DLGAP2: variants seen among roughly 807,000 people sequenced by gnomAD.
DLGAP2 encodes the protein DLG associated protein 2, also known as disks large-associated protein 2.
In DLGAP2, 26 loss-of-function variants were observed where a neutral mutation model predicts 100.3. That is an observed-to-expected ratio of 0.26 (90% CI 0.19 to 0.36). The LOEUF is 0.36. Among genes scored for constraint, DLGAP2 ranks in the 10% least tolerant of loss-of-function variants. The probability of loss-of-function intolerance (pLI) is 1.00; values close to 1 mark genes in which losing one functional copy is unlikely to be tolerated. For synonymous variants in DLGAP2, 886 were observed against 630.1 expected, an observed-to-expected ratio of 1.41 and a Z score of -6.08; for missense variants, 1,858 against 1,453.2, an observed-to-expected ratio of 1.28 and a Z score of -4.53.
chr8:1,534,454 C>G (rs1001505004), intron 4 of DLGAP2, among the ~76,000 whole-genome samples: 1 of 152,150 alleles, frequency 6.6e-6, no homozygotes, highest in African/African-American at 2.4e-5. Context: ...TAATCAAGGG[C>G]AATTAAGTTG....
intron 7 of DLGAP2, among the ~76,000 whole-genome samples, chr8:1,631,344 G>C (rs1488940995): frequency 1.3e-5 from 2 of 152,106 alleles, no homozygotes; most frequent in Non-Finnish European, 1.5e-5. Context: ...GTGTACTAGG[G>C]CCTCACACAG....
chr8:1,074,070 G>C (rs986889240), intron 2 of DLGAP2, among the ~76,000 whole-genome samples: 3 of 136,114 alleles, frequency 2.2e-5, no homozygotes, highest in African/African-American at 9.6e-5. Flanking sequence ...AGGGTTTGCA[G>C]CAGACTGAGG....
chr8:1,167,830 A>G (rs184469823), intron 2 of DLGAP2, among the ~76,000 whole-genome samples: 11 of 146,108 alleles, frequency 7.5e-5, no homozygotes, highest in African/African-American at 2.5e-4. Context: ...TCCTAAACCA[A>G]CGTTCAGTAG....
At position 1,668,494 on chromosome 8, in the gene DLGAP2, GCCT is replaced by G; in HGVS notation, c.1978_1980del (p.Leu660del). ...TCCCCGTGGCCCCAGGACAGCCGCG[GCCT>G]CTACAACTCCACGGACAGCCTGGAC... On this transcript the variant is annotated inframe_deletion, in exon 9 of 15. Coordinates refer to ENST00000637795, the MANE Select transcript of DLGAP2 (RefSeq NM_001346810.2). 6.3e-7 allele frequency: 1 copy of G among 1,594,024 alleles called. No homozygotes were observed. The highest frequency in any genetic ancestry group is 8.5e-7 in the Non-Finnish European group (1 of 1,171,318).
intron 8 of DLGAP2, among the ~76,000 whole-genome samples, chr8:1,657,392 G>A (rs879654289): frequency 1.2e-4 from 18 of 152,326 alleles, no homozygotes; most frequent in Admixed American, 9.2e-4. Context: ...CATGCTAGGC[G>A]TGCACTCACA....
chr8:839,803 C>T (rs1045612685), intron 1 of DLGAP2, among the ~76,000 whole-genome samples: 6 of 152,254 alleles, frequency 3.9e-5, no homozygotes, highest in Non-Finnish European at 7.3e-5. Flanking sequence ...GCAGCTCAGC[C>T]TTCAGATCTG....
chr8:906,392 G>C (rs942663104), intron 1 of DLGAP2, among the ~76,000 whole-genome samples: 1 of 152,222 alleles, frequency 6.6e-6, no homozygotes, highest in African/African-American at 2.4e-5. Context: ...TCCCTCCTGA[G>C]GGGGTGGGTT....
At chr8:1,345,734 T>C (rs1801539466) in intron 3 of DLGAP2, among the ~76,000 whole-genome samples, 1 of 152,248 alleles carries the variant, frequency 6.6e-6, no homozygotes, top group African/African-American at 2.4e-5. Flanking sequence ...CAGACAGATG[T>C]TGTTTCAAAC....
intron 2 of DLGAP2, among the ~76,000 whole-genome samples, chr8:1,108,054 A>T (rs1005714125): frequency 6.6e-6 from 1 of 152,044 alleles, no homozygotes; most frequent in African/African-American, 2.4e-5. Flanking sequence ...TTTTCTTTTT[A>T]TTGTTGCTTT....
chr8:999,790 T>C (rs543712735), intron 2 of DLGAP2, among the ~76,000 whole-genome samples: 1 of 152,336 alleles, frequency 6.6e-6, no homozygotes, highest in Admixed American at 6.5e-5. Context: ...GTGGTGTGGT[T>C]TTAATACTCA....
At chr8:1,635,132 G>A (rs75727723) in intron 8 of DLGAP2, among the ~76,000 whole-genome samples, 1 of 152,072 alleles carries the variant, frequency 6.6e-6, no homozygotes, top group Non-Finnish European at 1.5e-5. Context: ...ATTAACCTCT[G>A]CTGTTTCCCA....
intron 12 of DLGAP2, among the ~76,000 whole-genome samples, chr8:1,682,238 A>T (rs1482880892): frequency 6.6e-6 from 1 of 152,192 alleles, no homozygotes; most frequent in South Asian, 2.1e-4. Context: ...CGCGTTAGCC[A>T]TTGGAAAATA....
In DLGAP2 at chr8:1,676,415, G is replaced by T. The variant is rs73547759; in HGVS notation, c.2203-118G>T. The T allele has an allele frequency of 2.3e-3, 2,423 of 1,053,626 alleles. 42 individuals are homozygous for T. In the African/African-American group the frequency reaches 0.033, roughly 14 times the overall value. The allele number at this position is 1,053,626 out of a possible 1,614,324, so 65.3% of individuals were successfully genotyped here. A position where few individuals can be genotyped will look rare whatever the true frequency, so the allele number is the denominator to read the frequency against. ...GCGGTTTTACTGGGTCAAGTGCACC[G>T]CTGCATTAATTAAACAAATGCGTAA... On this transcript the variant is annotated intron_variant, in intron 10 of 14. Coordinates refer to ENST00000637795, the MANE Select transcript of DLGAP2 (RefSeq NM_001346810.2).
chr8:1,315,386 G>T (rs79094357), intron 3 of DLGAP2, among the ~76,000 whole-genome samples: 8,602 of 109,342 alleles, frequency 0.079, 383 homozygotes, highest in African/African-American at 0.11. Context: ...CTCTCCAACA[G>T]TGGTCTACAC....
chr8:1,187,297 A>G (rs1290612838), intron 2 of DLGAP2, among the ~76,000 whole-genome samples: 14 of 143,428 alleles, frequency 9.8e-5, no homozygotes, highest in African/African-American at 2.7e-4. Flanking sequence ...GGAATCTCAC[A>G]TGCCCGGGAC....
At chr8:1,188,730 T>C (rs547427968) in intron 2 of DLGAP2, among the ~76,000 whole-genome samples, 1 of 152,248 alleles carries the variant, frequency 6.6e-6, no homozygotes, top group East Asian at 1.9e-4. Flanking sequence ...TAATCATGAG[T>C]ACAGAGTCTG....
intron 3 of DLGAP2, among the ~76,000 whole-genome samples, chr8:1,352,369 C>G (rs1031820701): frequency 2.0e-5 from 3 of 152,050 alleles, no homozygotes; most frequent in African/African-American, 7.2e-5. Context: ...GCGACTCCCC[C>G]TGGGGCTTCC....
intron 6 of DLGAP2, among the ~76,000 whole-genome samples, chr8:1,577,217 A>T (rs1803014813): frequency 7.8e-6 from 1 of 127,566 alleles, no homozygotes; most frequent in South Asian, 2.4e-4. Flanking sequence ...ATTGTACTTA[A>T]AATCACAACA....
chr8:1,199,772 A>G (rs1300095471), intron 2 of DLGAP2, among the ~76,000 whole-genome samples: 1 of 152,102 alleles, frequency 6.6e-6, no homozygotes, highest in Non-Finnish European at 1.5e-5. Flanking sequence ...TGCATGATGG[A>G]AGGTGTGTAT....
Sources: gnomAD v4.1 joint callset for allele counts (sites outside exome capture counted in the v4.1 genomes callset) on GRCh38, gnomAD v4.1.1 for gene constraint, MANE v1.5 for transcripts, NCBI Gene and HGNC (gene_info 2026-07-23, HGNC 2026-07-21) for gene names.